The following UCHL1 variants were observed in gnomAD, a reference collection of about 807,000 sequenced individuals.
UCHL1 encodes the protein ubiquitin C-terminal hydrolase L1, also known as ubiquitin carboxyl-terminal hydrolase isozyme L1.
Under a neutral mutation model 33.3 loss-of-function variants are expected in UCHL1, and 5 were observed. That is an observed-to-expected ratio of 0.15 (90% CI 0.08 to 0.32). The LOEUF is 0.32. Ranked by LOEUF, UCHL1 falls within the 10% of genes least tolerant of loss-of-function variation. UCHL1 has a pLI of 1.00. For synonymous variants in UCHL1, 132 were observed against 108.8 expected (o/e 1.21, Z -1.33); for missense variants, 236 against 280.0 (o/e 0.84, Z 1.12).
chr4:41,257,495 C>T, intron 2 of UCHL1, 114 bp from the exon 3 acceptor site: 1 of 1,323,730 alleles, frequency 7.6e-7, no homozygotes, highest in African/African-American at 1.6e-5. Context: ...ACTGGGGCTC[C>T]TCCCAGGCTC....
intron 8 of UCHL1, chr4:41,264,506 C>T (rs1781123332): frequency 2.6e-6 from 1 of 382,630 alleles, no homozygotes; most frequent in East Asian, 6.2e-5. Context: ...AAACAGCAGC[C>T]TTTCATAATC....
At chr4:41,264,368 G>A (rs970618702) in intron 8 of UCHL1, 17 of 635,918 alleles carry the variant, frequency 2.7e-5, no homozygotes, top group Admixed American at 2.0e-4. Flanking sequence ...GACACCCTGA[G>A]TAATCTGTTT....
chr4:41,264,597 T>C (rs1432271570), intron 8 of UCHL1: 3 of 213,246 alleles, frequency 1.4e-5, no homozygotes, highest in Non-Finnish European at 2.8e-5. Context: ...TTAGGAGTTT[T>C]TCCTTCCCAC....
At position 41,260,688 on chromosome 4, in the gene UCHL1, A is replaced by G. The variant is rs1295393970; in HGVS notation, c.216A>G (p.Gly72=). Residue 72 remains glycine, a synonymous_variant, in exon 4 of 9, where the codon GGA becomes GGG. Transcript: ENST00000284440. ...AAAAGCAGATTGAAGAGCTGAAGGG[A>G]CAAGAAGTTAGTCCTAAAGTGTACT... ...FRKKQIEELK[G]QEVSPKVYFM... 1 of 1,614,246 alleles carries G rather than the reference A, an allele frequency of 6.2e-7. No individual in the cohort carries two copies. Among genetic ancestry groups the G allele is most frequent in the South Asian group, 1.1e-5 (1 of 91,086 alleles).
Position 41,264,030 on chromosome 4 carries a change from C to A in UCHL1, c.527-73C>A, listed in dbSNP as rs878914961. On this transcript the variant is annotated intron_variant, in intron 7 of 8. Coordinates refer to ENST00000284440, the MANE Select transcript of UCHL1 (RefSeq NM_004181.5). Reference sequence around the variant, plus strand: ...GGTTTTTGGAAGAATCTAAAACTTCCATCTAGGCTAGGTAAGCACGGTAGC... The same window carrying A: ...GGTTTTTGGAAGAATCTAAAACTTCAATCTAGGCTAGGTAAGCACGGTAGC... The A allele has an allele frequency of 3.1e-6, 5 of 1,594,356 alleles. No homozygotes were observed. In the South Asian group the frequency reaches 5.5e-5, roughly 18 times the overall value.
At chr4:41,264,860 A>G (rs942473986) in intron 8 of UCHL1, among the ~76,000 whole-genome samples, 14 of 152,226 alleles carry the variant, frequency 9.2e-5, no homozygotes, top group African/African-American at 3.1e-4. Context: ...AAAAATATAC[A>G]AACTGCTATT....
chr4:41,260,547 C>T (rs1208752316), intron 3 of UCHL1, 100 bp from the exon 4 acceptor site: 31 of 1,419,066 alleles, frequency 2.2e-5, no homozygotes, highest in Non-Finnish European at 2.8e-5. Flanking sequence ...TCTGGTCACA[C>T]ATCCCACTGG....
At chr4:41,267,716 T>C (rs1226479513) in intron 8 of UCHL1, among the ~76,000 whole-genome samples, 2 of 152,214 alleles carry the variant, frequency 1.3e-5, no homozygotes, top group Non-Finnish European at 2.9e-5. Flanking sequence ...TTGGGTTTTT[T>C]TGTTTTTGTT....
rs1277469331 is a variant in UCHL1, at chr4:41,257,143, G to T, written c.45+17G>T. 6.2e-7 allele frequency: 1 copy of T among 1,612,150 alleles called. No homozygotes were observed. The highest frequency in any genetic ancestry group is 2.2e-5 in the East Asian group (1 of 44,852). On this transcript the variant is annotated intron_variant, in intron 2 of 8. Transcript: ENST00000284440. ...CTGAACAAAGTGAGTGGCGTCTCGC[G>T]CCGTCTCTGGCCCCCTCCCCCGCGA...
intron 2 of UCHL1, 137 bp downstream of exon 2, chr4:41,257,263 G>A: frequency 7.2e-7 from 1 of 1,389,698 alleles, no homozygotes; most frequent in Non-Finnish European, 9.7e-7. Flanking sequence ...GGCGTGGGCT[G>A]GGCGCCTTTC....
In UCHL1 at chr4:41,257,692, A is replaced by G; in HGVS notation, c.129A>G (p.Pro43=). The change falls in exon 3 of 9, where the codon CCA becomes CCG. Residue 43 remains proline, a synonymous_variant. Coordinates refer to ENST00000284440, the MANE Select transcript of UCHL1 (RefSeq NM_004181.5). The part of the protein sequence containing the change: ...GLEEESLGSV[P]APACALLLLF... ...AAGAGGAGTCTCTGGGCTCGGTGCC[A>G]GCGCCTGCCTGCGCGCTGCTGCTGC... 1 of 1,578,584 alleles carries G rather than the reference A, an allele frequency of 6.3e-7. No individual in the cohort carries two copies. The highest frequency in any genetic ancestry group is 8.6e-7 in the Non-Finnish European group (1 of 1,165,814).
chr4:41,257,810 T>TCCCCGCCCCG, intron 3 of UCHL1, 73 bp downstream of exon 3: 1 of 1,507,406 alleles, frequency 6.6e-7, no homozygotes, highest in African/African-American at 1.4e-5. Context: ...CCTCGGGGGC[T>TCCCCGCCCCG]CCCCGCCCCG....
At chr4:41,257,970 C>T (rs1011206145) in intron 3 of UCHL1, among the ~76,000 whole-genome samples, 4 of 152,246 alleles carry the variant, frequency 2.6e-5, no homozygotes, top group African/African-American at 4.8e-5. Context: ...GGAAGAGAGG[C>T]AGTATCTCAG....
rs750684470 is a variant in UCHL1, at chr4:41,256,939, G to A, written c.-38G>A. 22 of 1,613,880 alleles carry A rather than the reference G, an allele frequency of 1.4e-5. No individual in the cohort carries two copies. Among genetic ancestry groups the A allele is most frequent in the Non-Finnish European group, 1.7e-5 (20 of 1,179,998 alleles). ...TGGGCGGCTCCGCTAGCTGTTTTTC[G>A]TCTTCCCTAGGCTATTTCTGCCGGG... On this transcript the variant is annotated 5_prime_UTR_variant, in exon 1 of 9. Coordinates refer to ENST00000284440, the MANE Select transcript of UCHL1 (RefSeq NM_004181.5).
At chr4:41,266,280 A>C (rs1781153268) in intron 8 of UCHL1, among the ~76,000 whole-genome samples, 1 of 151,080 alleles carries the variant, frequency 6.6e-6, no homozygotes, top group African/African-American at 2.4e-5. Context: ...TTTAAAATTA[A>C]AAGAGTTTCT....
At chr4:41,262,367 G>C (rs1475142970) in intron 6 of UCHL1, among the ~76,000 whole-genome samples, 1 of 152,222 alleles carries the variant, frequency 6.6e-6, no homozygotes, top group Non-Finnish European at 1.5e-5. Flanking sequence ...AATTGCTTGA[G>C]CCCTAGAGGC....
chr4:41,257,395 ACT>A (rs2154087080), intron 2 of UCHL1: 2 of 868,380 alleles, frequency 2.3e-6, no homozygotes, highest in East Asian at 6.1e-5. Context: ...GGCAGCACAG[ACT>A]CGGCTGCACG....
chr4:41,262,336 C>A (rs1256015959), intron 6 of UCHL1, among the ~76,000 whole-genome samples: 1 of 152,124 alleles, frequency 6.6e-6, no homozygotes, highest in Non-Finnish European at 1.5e-5. Flanking sequence ...GTCCCAGCCA[C>A]TTGGGAGGCT....
At chr4:41,264,073 A>C in intron 7 of UCHL1, 30 bp from the exon 8 acceptor site, 4 of 1,614,216 alleles carry the variant, frequency 2.5e-6, no homozygotes, top group Non-Finnish European at 3.4e-6. Flanking sequence ...CATGCAGAGA[A>C]AATTGACATG....
Sources: allele counts gnomAD v4.1 joint callset (sites outside exome capture counted in the v4.1 genomes callset), GRCh38; gene constraint gnomAD v4.1.1; transcripts MANE v1.5; gene names NCBI Gene and HGNC (gene_info 2026-07-23, HGNC 2026-07-21).